FREM3: variants seen among roughly 807,000 people sequenced by gnomAD.
FREM3 encodes FRAS1 related extracellular matrix 3, also known as FRAS1-related extracellular matrix protein 3.
In FREM3, 105 loss-of-function variants were observed where a neutral mutation model predicts 129.1. The observed-to-expected ratio is 0.81, with a 90% CI of 0.69 to 0.96. The LOEUF (loss-of-function observed/expected upper bound fraction) is 0.96, where lower values mean the gene tolerates loss of function less well. Ranked by LOEUF, FREM3 falls within the 40% of genes least tolerant of loss-of-function variation. The probability of loss-of-function intolerance (pLI) is 0.00; values close to 1 mark genes in which losing one functional copy is unlikely to be tolerated. For missense variants in FREM3, 2,593 were observed against 2,666.3 expected, an observed-to-expected ratio of 0.97 and a Z score of 0.61; for synonymous variants, 1,014 against 1,044.9, an observed-to-expected ratio of 0.97 and a Z score of 0.57.
At position 143,583,364 on chromosome 4, in the gene FREM3, C is replaced by G. The variant is rs115525296; in HGVS notation, c.6178+2480G>C. 8.5e-3 allele frequency among the ~76,000 whole-genome samples: 1,296 copies of G among 152,162 alleles called. 9 individuals carry two copies. Among genetic ancestry groups the G allele is most frequent in the Non-Finnish European group, 0.013 (891 of 67,996 alleles). ...ATCCCTGAAAGACAGGGAGAGAAAC[C>G]AAACAACTTGGAAAATATATTTGAA... On this transcript the variant is annotated intron_variant, in intron 7 of 7. Coordinates refer to ENST00000329798, the MANE Select transcript of FREM3 (RefSeq NM_001168235.2).
intron 6 of FREM3, among the ~76,000 whole-genome samples, chr4:143,595,068 G>T (rs1333805604): frequency 1.3e-5 from 2 of 152,196 alleles, no homozygotes; most frequent in Non-Finnish European, 2.9e-5. Context: ...AGCTCTCAAA[G>T]AGATAAAATT....
chr4:143,577,595 TC>T lies in FREM3; in HGVS notation c.*15del. ...AGGAGACATATCTTGGCTGTTTTTT[TC>T]CCTCTTAAAGTCTTTCAATCAAAGG... On this transcript the variant is annotated 3_prime_UTR_variant, in exon 8 of 8. Coordinates refer to ENST00000329798, the MANE Select transcript of FREM3 (RefSeq NM_001168235.2). 1 of 1,529,938 alleles carries T rather than the reference TC, an allele frequency of 6.5e-7. No homozygotes were observed. The highest frequency in any genetic ancestry group is 1.4e-5 in the African/African-American group (1 of 72,824). 94.8% of individuals were successfully genotyped at this position (1,529,938 alleles called of 1,614,324 possible).
chr4:143,700,164 G>A lies in FREM3; in HGVS notation c.512C>T (p.Thr171Met). Residue 171 changes from threonine to methionine, a missense_variant, in exon 1 of 8, where the codon ACG (threonine) becomes ATG (methionine). Transcript: ENST00000329798. ...CTCCACTACCAAAGGCCTGTTACGC[G>A]TCACCAGCTCCAGCTGGGAGAAGAC... The part of the protein sequence containing the change: ...DLVFSQLELV[T>M]RNRPLVVEKL... 6.5e-7 allele frequency: 1 copy of A among 1,537,026 alleles called. No homozygotes were observed. The highest frequency in any genetic ancestry group is 8.7e-7 in the Non-Finnish European group (1 of 1,146,910).
At position 143,699,908 on chromosome 4, in the gene FREM3, G is replaced by C. The variant is rs1252739113; in HGVS notation, c.768C>G (p.Ala256=). 5 of 1,536,428 alleles carry C rather than the reference G, an allele frequency of 3.3e-6. No homozygotes were observed. Among genetic ancestry groups the C allele is most frequent in the Non-Finnish European group, 4.4e-6 (5 of 1,146,710 alleles). The change falls in exon 1 of 8, where the codon GCC becomes GCG. Residue 256 remains alanine, a synonymous_variant. Transcript: ENST00000329798. This position sits in a 1 kb window ranked among gnomAD's most constrained non-coding sequence, Gnocchi z 4.2. ...LRAGVRYQHT[A]TSSPNRDYVP... ...CGTAGTCACGGTTGGGCGAGGAGGT[G>C]GCTGTGTGCTGATAGCGCACCCCAG...
At chr4:143,624,774 C>G (rs569431173) in intron 3 of FREM3, among the ~76,000 whole-genome samples, 2 of 152,180 alleles carry the variant, frequency 1.3e-5, no homozygotes, top group Admixed American at 1.3e-4. Flanking sequence ...CTGATGAATT[C>G]CTGGGAATTA....
Position 143,700,289 on chromosome 4 carries a change from G to A in FREM3, c.387C>T (p.Phe129=). The change falls in exon 1 of 8, where the codon TTC becomes TTT. Residue 129 remains phenylalanine (F), a synonymous_variant. Coordinates refer to ENST00000329798, the MANE Select transcript of FREM3 (RefSeq NM_001168235.2). ...GGGCGCGTCCGGGGCTGTGGGAGCC[G>A]AAGTGAGTGTACTGGACTTGGCGGG... ...FGPRQVQYTH[F]GSHSPGRARV... The A allele has an allele frequency of 5.9e-6, 9 of 1,536,368 alleles. No individual in the cohort carries two copies. Among genetic ancestry groups the A allele is most frequent in the African/African-American group, 1.4e-5 (1 of 73,176 alleles).
intron 6 of FREM3, among the ~76,000 whole-genome samples, chr4:143,596,589 C>T (rs1355730994): frequency 6.6e-6 from 1 of 152,054 alleles, no homozygotes; most frequent in East Asian, 1.9e-4. Context: ...TTTGAATGGC[C>T]TGTGGTGCAT....
At chr4:143,669,048 T>A (rs1223012574) in intron 2 of FREM3, among the ~76,000 whole-genome samples, 1 of 152,166 alleles carries the variant, frequency 6.6e-6, no homozygotes, top group Non-Finnish European at 1.5e-5. Context: ...TATAGTTAAG[T>A]CATTTACGTA....
At chr4:143,665,969 C>A (rs918837323) in intron 2 of FREM3, among the ~76,000 whole-genome samples, 1 of 152,102 alleles carries the variant, frequency 6.6e-6, no homozygotes, top group Admixed American at 6.6e-5. Flanking sequence ...GTTCTGAAAG[C>A]ATTTTTCATT....
intron 2 of FREM3, among the ~76,000 whole-genome samples, chr4:143,655,085 C>G (rs1739576744): frequency 6.6e-6 from 1 of 151,976 alleles, no homozygotes; most frequent in African/African-American, 2.4e-5. Flanking sequence ...GGGAGGGGTG[C>G]AAGGCAGCAG....
intron 2 of FREM3, among the ~76,000 whole-genome samples, chr4:143,636,240 A>G (rs1203588364): frequency 6.6e-6 from 1 of 150,956 alleles, no homozygotes; most frequent in Non-Finnish European, 1.5e-5. Context: ...AAAACATATA[A>G]CCTCATACTG....
At position 143,699,007 on chromosome 4, in the gene FREM3, C is replaced by T. The variant is rs947608123; in HGVS notation, c.1669G>A (p.Gly557Arg). Residue 557 changes from glycine to arginine, a missense_variant, in exon 1 of 8, where the codon GGG (glycine) becomes AGG (arginine). This residue lies in a region of FREM3 where 2,276 missense variants were observed against 2,267.2 expected (regional missense o/e 1.00). Coordinates refer to ENST00000329798, the MANE Select transcript of FREM3 (RefSeq NM_001168235.2). This position sits in a 1 kb window ranked among gnomAD's most constrained non-coding sequence, Gnocchi z 4.2. ...NTNTGLSLTEGQVVQISPFVL... is the reference protein window; with the variant it reads ...NTNTGLSLTERQVVQISPFVL... ...AAGGGAGAGATCTGGACCACCTGCC[C>T]TTCAGTGAGTGAGAGTCCTGTGTTA... is the stretch of plus-strand genomic sequence containing the variant. 1.8e-5 allele frequency: 28 copies of T among 1,537,184 alleles called. No individual in the cohort carries two copies. Among genetic ancestry groups the T allele is most frequent in the Non-Finnish European group, 2.4e-5 (28 of 1,146,902 alleles).
intron 2 of FREM3, among the ~76,000 whole-genome samples, chr4:143,643,135 A>T (rs966244815): frequency 1.3e-5 from 2 of 152,182 alleles, no homozygotes; most frequent in Non-Finnish European, 2.9e-5. Flanking sequence ...TGGTGAGGAT[A>T]CAGAGAAAAA....
At chr4:143,618,293 T>C (rs1738885205) in intron 5 of FREM3, among the ~76,000 whole-genome samples, 1 of 152,078 alleles carries the variant, frequency 6.6e-6, no homozygotes, top group African/African-American at 2.4e-5. Flanking sequence ...AAAGCTGGCA[T>C]GCCTGGAAAA....
chr4:143,588,696 A>G (rs1336767475), intron 6 of FREM3, among the ~76,000 whole-genome samples: 4 of 151,788 alleles, frequency 2.6e-5, no homozygotes, highest in African/African-American at 9.7e-5. Flanking sequence ...TAGTGCCACA[A>G]TAAACATACG....
At chr4:143,625,733 A>C (rs1380831490) in intron 3 of FREM3, among the ~76,000 whole-genome samples, 1 of 152,204 alleles carries the variant, frequency 6.6e-6, no homozygotes, top group African/African-American at 2.4e-5. Context: ...TGAGGATGTC[A>C]CACAGAATTA....
chr4:143,603,536 AGC>A (rs1306615670), intron 6 of FREM3, among the ~76,000 whole-genome samples: 2 of 152,190 alleles, frequency 1.3e-5, no homozygotes, highest in Admixed American at 1.3e-4. Flanking sequence ...TACATTCTGT[AGC>A]CTCAGTAGAA....
At chr4:143,621,940 T>C (rs772415526) in intron 4 of FREM3, among the ~76,000 whole-genome samples, 1 of 152,160 alleles carries the variant, frequency 6.6e-6, no homozygotes, top group Admixed American at 6.5e-5. Flanking sequence ...TAGAGGAGAT[T>C]GTTCCGACTT....
chr4:143,700,535 G>A lies in FREM3; in HGVS notation c.141C>T (p.Pro47=), dbSNP rs2149866434. ...GTEPDPALYL[P]ARGALDGTRP... ...GAGTGCCGTCAAGCGCACCCCGGGC[G>A]GGCAGGTAAAGCGCCGGGTCGGGCT... Residue 47 remains proline (P), a synonymous_variant, in exon 1 of 8, where the codon CCC becomes CCT. Coordinates refer to ENST00000329798, the MANE Select transcript of FREM3 (RefSeq NM_001168235.2). 6.6e-7 allele frequency: 1 copy of A among 1,519,848 alleles called. No individual in the cohort carries two copies. Among genetic ancestry groups the A allele is most frequent in the Non-Finnish European group, 8.8e-7 (1 of 1,137,118 alleles). The allele number at this position is 1,519,848 out of a possible 1,614,324, so 94.1% of individuals were successfully genotyped here.
Sources: gnomAD v4.1 joint callset for allele counts (sites outside exome capture counted in the v4.1 genomes callset) on GRCh38, gnomAD v4.1.1 for gene constraint, gnomAD v4.1.1 regional missense constraint, Gnocchi (gnomAD v3.1) non-coding constraint, MANE v1.5 for transcripts, NCBI Gene and HGNC (gene_info 2026-07-23, HGNC 2026-07-21) for gene names.